SUGCT: variants seen among roughly 807,000 people sequenced by gnomAD.
The protein encoded by SUGCT is succinyl-CoA:glutarate CoA-transferase.
A neutral mutation model predicts 55.0 loss-of-function variants in SUGCT; 41 were observed. The ratio of observed to expected loss-of-function variants is 0.74; its 90% CI spans 0.58 to 0.97. The LOEUF (loss-of-function observed/expected upper bound fraction) is 0.97, where lower values mean the gene tolerates loss of function less well. SUGCT is among the 50% of genes least tolerant of loss of function. SUGCT has a pLI of 0.00. For missense variants in SUGCT, 568 were observed against 547.8 expected (o/e 1.04, Z -0.37); for synonymous variants, 187 against 200.4 (o/e 0.93, Z 0.56).
At chr7:40,683,231 C>T (rs1016356119) in intron 12 of SUGCT, among the ~76,000 whole-genome samples, 5 of 152,030 alleles carry the variant, frequency 3.3e-5, no homozygotes, top group African/African-American at 7.2e-5. Flanking sequence ...GTGATCAGGG[C>T]GATTTTCCTG....
chr7:40,906,473 G>A, the SUGCT span, among the ~76,000 whole-genome samples: 2 of 152,114 alleles, frequency 1.3e-5, no homozygotes, highest in Admixed American at 6.5e-5. Flanking sequence ...ACAAGTATGT[G>A]GGCCCTCCAT....
At chr7:40,749,732 G>A (rs551236502) in intron 13 of SUGCT, among the ~76,000 whole-genome samples, 7 of 152,154 alleles carry the variant, frequency 4.6e-5, no homozygotes, top group Admixed American at 1.3e-4. Flanking sequence ...AAAAATGCTC[G>A]CATTTCTTAA....
intron 12 of SUGCT, chr7:40,684,023 G>C (rs750987162): frequency 2.5e-6 from 4 of 1,611,518 alleles, no homozygotes; most frequent in Non-Finnish European, 3.4e-6. Flanking sequence ...TTGTATGACT[G>C]AGGTCTCTGT....
Position 40,755,711 on chromosome 7 carries a change from T to C in SUGCT, c.1153+6214T>C, listed in dbSNP as rs531004929. The stretch of plus-strand genomic sequence containing the variant: ...CTGCAGTTTCTCACCATAACCTTTT[T>C]CAGATACTTCCTGTGAATGTGCATT... On this transcript the variant is annotated intron_variant, in intron 13 of 13. Coordinates refer to ENST00000335693, the MANE Select transcript of SUGCT (RefSeq NM_001193313.2). Among the ~76,000 whole-genome samples the C allele has an allele frequency of 5.9e-5, 9 of 152,316 alleles. No individual in the cohort carries two copies. In the South Asian group the frequency reaches 1.9e-3, roughly 32 times the overall value.
intron 13 of SUGCT, among the ~76,000 whole-genome samples, chr7:40,792,245 T>G (rs748430089): frequency 1.2e-4 from 19 of 152,120 alleles, no homozygotes; most frequent in Admixed American, 3.9e-4. Context: ...GAAGAGTGTA[T>G]ATTTTTAAAG....
At chr7:40,531,662 A>G (rs1794094627) in intron 12 of SUGCT, among the ~76,000 whole-genome samples, 1 of 151,554 alleles carries the variant, frequency 6.6e-6, no homozygotes, top group East Asian at 1.9e-4. Context: ...TAAAATATGT[A>G]TATATATTTT....
chr7:40,699,577 A>G (rs550564520), intron 12 of SUGCT, among the ~76,000 whole-genome samples: 1 of 152,318 alleles, frequency 6.6e-6, no homozygotes, highest in Admixed American at 6.5e-5. Context: ...GGGTGTTTAA[A>G]TGCTGTTAAG....
intron 3 of SUGCT, among the ~76,000 whole-genome samples, chr7:40,187,748 A>C (rs1485391384): frequency 1.3e-5 from 2 of 152,204 alleles, no homozygotes; most frequent in African/African-American, 4.8e-5. Context: ...AGCCCGGCCA[A>C]TATTGTGAAA....
At chr7:40,496,567 C>T (rs1251117657) in intron 12 of SUGCT, among the ~76,000 whole-genome samples, 181 bp downstream of exon 12, 1 of 152,148 alleles carries the variant, frequency 6.6e-6, no homozygotes, top group African/African-American at 2.4e-5. Context: ...CATAAGCATA[C>T]TTATGTCTCT....
chr7:40,578,082 A>T (rs980572417), intron 12 of SUGCT, among the ~76,000 whole-genome samples: 4 of 152,180 alleles, frequency 2.6e-5, no homozygotes, highest in Non-Finnish European at 4.4e-5. Flanking sequence ...CTCAAACCTT[A>T]GTTTACATCA....
At chr7:41,037,431 A>G in the SUGCT span, among the ~76,000 whole-genome samples, 1 of 152,188 alleles carries the variant, frequency 6.6e-6, no homozygotes, top group African/African-American at 2.4e-5. Context: ...GATACTTTAA[A>G]AAAAAAAAAG....
intron 12 of SUGCT, among the ~76,000 whole-genome samples, chr7:40,497,005 A>G: frequency 6.6e-6 from 1 of 152,206 alleles, no homozygotes; most frequent in East Asian, 1.9e-4. Context: ...TTTACTTTAT[A>G]ACATTGTTCA....
chr7:40,767,102 T>G (rs185549307), intron 13 of SUGCT, among the ~76,000 whole-genome samples: 4 of 152,314 alleles, frequency 2.6e-5, no homozygotes, highest in Admixed American at 2.6e-4. Flanking sequence ...TCCAGTGACT[T>G]AAGACTTTTG....
chr7:40,582,212 C>T (rs893335635), intron 12 of SUGCT, among the ~76,000 whole-genome samples: 2 of 152,022 alleles, frequency 1.3e-5, no homozygotes, highest in Non-Finnish European at 2.9e-5. Context: ...AGATTACAAG[C>T]TAAAATAGAG....
intron 13 of SUGCT, among the ~76,000 whole-genome samples, chr7:40,836,033 C>G (rs2128783277): frequency 6.6e-6 from 1 of 151,562 alleles, no homozygotes; most frequent in South Asian, 2.1e-4. Context: ...GCTGGGACTA[C>G]AGGTTTATGT....
At chr7:40,575,383 A>G (rs1036376974) in intron 12 of SUGCT, among the ~76,000 whole-genome samples, 2 of 152,168 alleles carry the variant, frequency 1.3e-5, no homozygotes, top group African/African-American at 4.8e-5. Context: ...GATAGTTCCT[A>G]ATTATCCCAG....
intron 11 of SUGCT, among the ~76,000 whole-genome samples, chr7:40,469,750 A>G (rs748040567): frequency 2.0e-5 from 3 of 151,872 alleles, no homozygotes; most frequent in African/African-American, 4.8e-5. Context: ...GCTATAAACC[A>G]TTCCACACTA....
the SUGCT span, among the ~76,000 whole-genome samples, chr7:41,009,421 C>T: frequency 9.2e-5 from 14 of 152,178 alleles, no homozygotes; most frequent in Non-Finnish European, 1.5e-4. Context: ...TGCCACGGGA[C>T]AGGTAAAGCC....
intron 9 of SUGCT, among the ~76,000 whole-genome samples, chr7:40,385,122 T>C (rs1286877928): frequency 1.3e-5 from 2 of 152,206 alleles, no homozygotes; most frequent in African/African-American, 4.8e-5. Context: ...TTCGTTCATA[T>C]TTTAATTTGG....
Sources: gnomAD v4.1 joint callset for allele counts (sites outside exome capture counted in the v4.1 genomes callset) on GRCh38, gnomAD v4.1.1 for gene constraint, MANE v1.5 for transcripts, NCBI Gene and HGNC (gene_info 2026-07-23, HGNC 2026-07-21) for gene names.